GPC6: variants seen among roughly 807,000 people sequenced by gnomAD.
GPC6 encodes glypican-6.
Under a neutral mutation model 55.2 loss-of-function variants are expected in GPC6, and 14 were observed. That is an observed-to-expected ratio of 0.25 (90% CI 0.17 to 0.40). GPC6 has a LOEUF of 0.40. Among genes scored for constraint, GPC6 ranks in the 10% least tolerant of loss-of-function variants. The probability of loss-of-function intolerance (pLI) is 1.00; values close to 1 mark genes in which losing one functional copy is unlikely to be tolerated. For missense variants in GPC6, 641 were observed against 708.5 expected (o/e 0.90, Z 1.08); for synonymous variants, 278 against 259.6 (o/e 1.07, Z -0.68).
At chr13:93,424,854 C>T (rs1877065020) in intron 1 of GPC6, among the ~76,000 whole-genome samples, 1 of 152,202 alleles carries the variant, frequency 6.6e-6, no homozygotes, top group African/African-American at 2.4e-5. Flanking sequence ...TATTTGGAAA[C>T]AGGACCACAT....
intron 3 of GPC6, among the ~76,000 whole-genome samples, chr13:93,961,925 G>A (rs572443785): frequency 2.0e-4 from 31 of 152,204 alleles, no homozygotes; most frequent in African/African-American, 7.2e-4. Flanking sequence ...CACCTAGCTT[G>A]AAGCTAATAT....
Position 94,384,493 on chromosome 13 carries a change from T to G in GPC6, c.1289+1943T>G, listed in dbSNP as rs1880312627. On this transcript the variant is annotated intron_variant, in intron 7 of 8. Transcript: ENST00000377047. ...GGTTTTGAACTGCTATTCCCACAGA[T>G]TGTCACACAGGTTGCTGATATTAGT... Among the ~76,000 whole-genome samples the G allele has an allele frequency of 2.0e-5, 3 of 152,320 alleles. No homozygotes were observed. In the South Asian group the frequency reaches 6.2e-4, roughly 32 times the overall value.
chr13:93,799,269 T>C (rs577448203), intron 2 of GPC6, among the ~76,000 whole-genome samples: 5 of 152,318 alleles, frequency 3.3e-5, no homozygotes, highest in African/African-American at 7.2e-5. Flanking sequence ...TTTGAAAACA[T>C]TGGCTTCATG....
chr13:93,783,442 CACCAACAGTGTAAA>C (rs1885720092), intron 2 of GPC6, among the ~76,000 whole-genome samples: 1 of 152,056 alleles, frequency 6.6e-6, no homozygotes, highest in Non-Finnish European at 1.5e-5. Flanking sequence ...TTTACCCTCC[CACCAACAGTGTAAA>C]AGCGTTCCTG....
rs1888198150 is a variant in GPC6, at chr13:93,846,816, T to C, written c.711+16271T>C. Among the ~76,000 whole-genome samples, 5 of 152,152 alleles carry C rather than the reference T, an allele frequency of 3.3e-5. No homozygotes were observed. In the South Asian group the frequency reaches 6.2e-4, roughly 19 times the overall value. Reference sequence around the variant, plus strand: ...AATTTTGGTGTGTATTTTGTGCTTATAGCACATTTGGGGTTGGACTAGCCA... The same window carrying C: ...AATTTTGGTGTGTATTTTGTGCTTACAGCACATTTGGGGTTGGACTAGCCA... On this transcript the variant is annotated intron_variant, in intron 3 of 8. Coordinates refer to ENST00000377047, the MANE Select transcript of GPC6 (RefSeq NM_005708.5).
At chr13:93,224,342 G>A (rs1269206956), upstream of GPC6, among the ~76,000 whole-genome samples, 1 of 151,616 alleles carries the variant, frequency 6.6e-6, no homozygotes, top group Non-Finnish European at 1.5e-5. Flanking sequence ...TTACAGGCAC[G>A]TGCCAGCACG....
At chr13:93,385,930 G>A (rs1208282541) in intron 1 of GPC6, among the ~76,000 whole-genome samples, 1 of 151,922 alleles carries the variant, frequency 6.6e-6, no homozygotes, top group Non-Finnish European at 1.5e-5. Flanking sequence ...TAACACGGAT[G>A]TATTCTATAA....
At chr13:94,024,595 T>C (rs1276841252) in intron 3 of GPC6, among the ~76,000 whole-genome samples, 1 of 152,164 alleles carries the variant, frequency 6.6e-6, no homozygotes, top group Non-Finnish European at 1.5e-5. Context: ...CCAGGAAGGA[T>C]ATCATTTCCA....
In GPC6 at chr13:94,022,012, A is replaced by G. The variant is rs192369125; in HGVS notation, c.712-5717A>G. ...AGGTATATATCATGATGTTTAAGATACATGGACATAGCAAAATGGTTACTG... is the reference window on the plus strand; with the variant it reads ...AGGTATATATCATGATGTTTAAGATGCATGGACATAGCAAAATGGTTACTG... On this transcript the variant is annotated intron_variant, in intron 3 of 8. Coordinates refer to ENST00000377047, the MANE Select transcript of GPC6 (RefSeq NM_005708.5). 4.6e-5 allele frequency among the ~76,000 whole-genome samples: 7 copies of G among 152,226 alleles called. No homozygotes were observed. The East Asian group carries it at 1.4e-3, about 29-fold the overall frequency.
At chr13:94,252,572 G>C (rs1260795543) in intron 4 of GPC6, among the ~76,000 whole-genome samples, 1 of 152,116 alleles carries the variant, frequency 6.6e-6, no homozygotes. Flanking sequence ...ACAAGTTGTA[G>C]AGTACTGCTT....
chr13:94,272,842 G>A (rs1199216259), intron 4 of GPC6, among the ~76,000 whole-genome samples: 5 of 151,960 alleles, frequency 3.3e-5, no homozygotes, highest in African/African-American at 1.2e-4. Context: ...AAGATACCTG[G>A]CCGAAAGACA....
chr13:94,328,086 T>G (rs1229066224), intron 6 of GPC6, among the ~76,000 whole-genome samples: 1 of 152,208 alleles, frequency 6.6e-6, no homozygotes, highest in Non-Finnish European at 1.5e-5. Context: ...AAAGGATTCC[T>G]CTGCACATTA....
At chr13:94,220,712 T>C (rs1890357967) in intron 4 of GPC6, among the ~76,000 whole-genome samples, 1 of 152,098 alleles carries the variant, frequency 6.6e-6, no homozygotes, top group African/African-American at 2.4e-5. Context: ...TGGTAGTTCC[T>C]TGGTTTATGG....
chr13:93,754,167 A>G (rs138949734), intron 2 of GPC6, among the ~76,000 whole-genome samples: 1 of 152,296 alleles, frequency 6.6e-6, no homozygotes, highest in Admixed American at 6.5e-5. Context: ...CCCAGTGAAG[A>G]TTATTTTTGG....
At chr13:93,941,067 T>C (rs1878713257) in intron 3 of GPC6, among the ~76,000 whole-genome samples, 1 of 152,164 alleles carries the variant, frequency 6.6e-6, no homozygotes, top group South Asian at 2.1e-4. Context: ...AACTTAATCA[T>C]TAAATATGGG....
chr13:93,703,096 A>T (rs1484438933), intron 2 of GPC6, among the ~76,000 whole-genome samples: 1 of 151,912 alleles, frequency 6.6e-6, no homozygotes, highest in Non-Finnish European at 1.5e-5. Flanking sequence ...AATTATTTCT[A>T]GTTTTTTATT....
At chr13:93,699,233 A>G (rs1882585097) in intron 2 of GPC6, among the ~76,000 whole-genome samples, 1 of 152,154 alleles carries the variant, frequency 6.6e-6, no homozygotes, top group Non-Finnish European at 1.5e-5. Flanking sequence ...GTTTAAGTTG[A>G]CACATTTATC....
intron 4 of GPC6, among the ~76,000 whole-genome samples, chr13:94,162,121 GC>G (rs1888189384): frequency 6.6e-6 from 1 of 152,176 alleles, no homozygotes; most frequent in Non-Finnish European, 1.5e-5. Context: ...TGGGGACACA[GC>G]CAAACCATAT....
intron 2 of GPC6, among the ~76,000 whole-genome samples, chr13:93,627,118 T>C (rs1879236103): frequency 6.6e-6 from 1 of 152,052 alleles, no homozygotes. Context: ...ACCCATTACC[T>C]ACATTAGGTA....
Sources: gnomAD v4.1 joint callset for allele counts (sites outside exome capture counted in the v4.1 genomes callset) on GRCh38, gnomAD v4.1.1 for gene constraint, MANE v1.5 for transcripts, NCBI Gene and HGNC (gene_info 2026-07-23, HGNC 2026-07-21) for gene names.